Variants in ADCY9 observed in about 807,000 individuals in gnomAD.
The protein encoded by ADCY9 is adenylate cyclase type 9.
In ADCY9, 50 loss-of-function variants were observed where a neutral mutation model predicts 101.5. The observed-to-expected ratio is 0.49, with a 90% CI of 0.39 to 0.62. The LOEUF (loss-of-function observed/expected upper bound fraction) is 0.62. Ranked by LOEUF, ADCY9 falls within the 20% of genes least tolerant of loss-of-function variation. The pLI is 0.00. For synonymous variants in ADCY9, 905 were observed against 769.3 expected (o/e 1.18, Z -2.92); for missense variants, 1,662 against 1,800.4 (o/e 0.92, Z 1.39).
intron 7 of ADCY9, among the ~76,000 whole-genome samples, chr16:3,981,390 A>G (rs2056141215): frequency 6.6e-6 from 1 of 152,202 alleles, no homozygotes; most frequent in Admixed American, 6.5e-5. Context: ...TACCCACATT[A>G]GAGGAAAACC....
At chr16:4,052,471 GAGAC>G (rs1326162567) in intron 2 of ADCY9, among the ~76,000 whole-genome samples, 2 of 152,202 alleles carry the variant, frequency 1.3e-5, no homozygotes, top group Non-Finnish European at 2.9e-5. Flanking sequence ...TGTATGTGGA[GAGAC>G]AGACAGACAA....
rs1402138976 is a variant in ADCY9, at chr16:4,114,038, T to C, written c.1405A>G (p.Met469Val). The C allele has an allele frequency of 6.2e-7, 1 of 1,613,742 alleles. No individual in the cohort carries two copies. The highest frequency in any genetic ancestry group is 8.5e-7 in the Non-Finnish European group (1 of 1,180,040). The part of the protein sequence containing the change: ...AYCCIEMGLG[M>V]IKAIEQFCQE... The stretch of plus-strand genomic sequence containing the variant: ...CAGAACTGCTCGATGGCCTTGATCA[T>C]GCCCAGGCCCATCTCGATGCAGCAG... Residue 469 changes from methionine to valine, a missense_variant, in exon 2 of 11, where the codon ATG becomes GTG. Met to Val is a conservative substitution (Grantham distance 21, BLOSUM62 1). Coordinates refer to ENST00000294016, the MANE Select transcript of ADCY9 (RefSeq NM_001116.4). The surrounding 1 kb of genome is among the most constrained non-coding windows in gnomAD (Gnocchi z 4.3).
intron 2 of ADCY9, among the ~76,000 whole-genome samples, chr16:4,062,574 G>T (rs2056779186): frequency 6.6e-6 from 1 of 152,114 alleles, no homozygotes. Flanking sequence ...AGTAAGTATG[G>T]GAGGCTGTGG....
intron 2 of ADCY9, among the ~76,000 whole-genome samples, chr16:4,046,967 G>A (rs1482340322): frequency 1.3e-5 from 2 of 151,970 alleles, no homozygotes; most frequent in East Asian, 1.9e-4. Context: ...CTATAAGTAC[G>A]CCACTGGACT....
In ADCY9 at chr16:4,013,280, C is replaced by T. The variant is rs532934841; in HGVS notation, c.1694-5722G>A. On this transcript the variant is annotated intron_variant, in intron 2 of 10. Coordinates refer to ENST00000294016, the MANE Select transcript of ADCY9 (RefSeq NM_001116.4). ...AAAAGAAAAAGAAAAACAAGCCAGG[C>T]GTGGCGGCACACGCCTGTAAATCCC... 8.0e-5 allele frequency among the ~76,000 whole-genome samples: 12 copies of T among 150,844 alleles called. No homozygotes were observed. The East Asian group carries it at 2.1e-3, about 27-fold the overall frequency.
At chr16:4,014,151 T>C (rs1170919890) in intron 2 of ADCY9, among the ~76,000 whole-genome samples, 3 of 152,002 alleles carry the variant, frequency 2.0e-5, no homozygotes, top group Admixed American at 6.6e-5. Flanking sequence ...AAATCCCGTC[T>C]CTACTAAAAA....
chr16:4,036,387 T>C (rs2056589582), intron 2 of ADCY9, among the ~76,000 whole-genome samples: 3 of 151,770 alleles, frequency 2.0e-5, no homozygotes, highest in Non-Finnish European at 2.9e-5. Context: ...ATGTATATAA[T>C]GCGCAGTGAT....
chr16:3,984,428 T>C (rs1597144702), intron 6 of ADCY9, among the ~76,000 whole-genome samples: 1 of 152,252 alleles, frequency 6.6e-6, no homozygotes, highest in East Asian at 1.9e-4. Flanking sequence ...GAAATAACGA[T>C]GCTGACACGT....
At chr16:3,993,298 C>T (rs2056260840) in intron 4 of ADCY9, 108 bp downstream of exon 4, 6 of 1,531,060 alleles carry the variant, frequency 3.9e-6, no homozygotes, top group Non-Finnish European at 5.3e-6. Flanking sequence ...GTGCTGTTAC[C>T]CAAGAGGAGT....
intron 2 of ADCY9, among the ~76,000 whole-genome samples, chr16:4,084,949 A>T (rs2056928172): frequency 6.6e-6 from 1 of 152,146 alleles, no homozygotes; most frequent in African/African-American, 2.4e-5. Context: ...GCTACAGCCA[A>T]ATAAAGTACA....
intron 2 of ADCY9, among the ~76,000 whole-genome samples, chr16:4,065,028 C>G (rs1025796121): frequency 2.0e-5 from 3 of 152,186 alleles, no homozygotes; most frequent in African/African-American, 4.8e-5. Flanking sequence ...TAGGCATTCG[C>G]TGCAGCCATG....
In ADCY9 at chr16:3,993,447, G is replaced by T; in HGVS notation, c.1948C>A (p.Pro650Thr). 12 of 1,614,202 alleles carry T rather than the reference G, an allele frequency of 7.4e-6. No individual in the cohort carries two copies. Among genetic ancestry groups the T allele is most frequent in the Non-Finnish European group, 1.0e-5 (12 of 1,180,036 alleles). The change falls in exon 4 of 11, where the codon CCT (proline) becomes ACT (threonine). Residue 650 changes from proline (P) to threonine (T), a missense_variant. By Grantham distance (38) the Pro-to-Thr change is conservative (BLOSUM62 -1). Transcript: ENST00000294016. ...TGCTCGTCTTGGCAGCCGTTTTGAG[G>T]TGCTCCTCCCTCGGCGCCGGCTTCA... ...KSEAGAEGGA[P>T]QNGCQDEHKN...
rs991689090 is a variant in ADCY9, at chr16:3,992,798, C to T, written c.1990-435G>A. Among the ~76,000 whole-genome samples the T allele has an allele frequency of 3.3e-5, 5 of 152,104 alleles. No homozygotes were observed. Among genetic ancestry groups the T allele is most frequent in the South Asian group, 2.1e-4 (1 of 4,830 alleles). On this transcript the variant is annotated intron_variant, in intron 4 of 10. Coordinates refer to ENST00000294016, the MANE Select transcript of ADCY9 (RefSeq NM_001116.4). This position sits in a 1 kb window ranked among gnomAD's most constrained non-coding sequence, Gnocchi z 4.2. The stretch of plus-strand genomic sequence containing the variant: ...AGGGCACAGGCAAGGTGGATGGAAA[C>T]GGGCTCGTGTCGTGGGTGTCCCCCG...
intron 2 of ADCY9, among the ~76,000 whole-genome samples, chr16:4,094,851 A>G (rs2056993332): frequency 6.6e-6 from 1 of 152,180 alleles, no homozygotes; most frequent in African/African-American, 2.4e-5. Flanking sequence ...AGACACTCTG[A>G]ACAAAGAAAA....
intron 9 of ADCY9, among the ~76,000 whole-genome samples, chr16:3,976,292 G>A (rs1411404082): frequency 1.3e-5 from 2 of 152,168 alleles, no homozygotes; most frequent in Non-Finnish European, 2.9e-5. Flanking sequence ...AAGACCGGCT[G>A]GGACTTATTT....
chr16:3,987,831 T>G lies in ADCY9; in HGVS notation c.2310+1163A>C, dbSNP rs149480784. On this transcript the variant is annotated intron_variant, in intron 6 of 10. Transcript: ENST00000294016. ...TTCCGGGTGGGGAGGGCATCCACTC[T>G]TGACTTGGGAACACTCAGAGGTTAG... Among the ~76,000 whole-genome samples the G allele has an allele frequency of 1.7e-3, 261 of 152,240 alleles. 2 individuals carry two copies. Among genetic ancestry groups the G allele is most frequent in the African/African-American group, 6.0e-3 (249 of 41,536 alleles).
intron 2 of ADCY9, among the ~76,000 whole-genome samples, chr16:4,068,774 G>GCC (rs2056815727): frequency 6.7e-6 from 1 of 149,426 alleles, no homozygotes; most frequent in Non-Finnish European, 1.5e-5. Context: ...CCAAGATCGA[G>GCC]CCACTGCACT....
chr16:4,050,524 G>T (rs1463126277), intron 2 of ADCY9, among the ~76,000 whole-genome samples: 1 of 152,054 alleles, frequency 6.6e-6, no homozygotes. Flanking sequence ...GACCCAGCCT[G>T]ACCAACATGG....
chr16:3,976,816 CCTGA>C (rs2056096338), intron 9 of ADCY9, among the ~76,000 whole-genome samples: 1 of 152,162 alleles, frequency 6.6e-6, no homozygotes, highest in Admixed American at 6.6e-5. Context: ...CGCCCCCATG[CCTGA>C]CTAATTTTTG....
Sources: allele counts gnomAD v4.1 joint callset (sites outside exome capture counted in the v4.1 genomes callset), GRCh38; gene constraint gnomAD v4.1.1; non-coding constraint Gnocchi (gnomAD v3.1); transcripts MANE v1.5; gene names NCBI Gene and HGNC (gene_info 2026-07-23, HGNC 2026-07-21).